F8: variants seen among roughly 807,000 people sequenced by gnomAD.
F8 encodes the protein coagulation factor VIII.
In F8, 12 loss-of-function variants were observed where a neutral mutation model predicts 140.6. The observed-to-expected ratio is 0.09, with a 90% confidence interval of 0.05 to 0.14. The LOEUF (loss-of-function observed/expected upper bound fraction) is 0.14. Among genes scored for constraint, F8 ranks in the 10% least tolerant of loss-of-function variants. The pLI, the probability that F8 is intolerant of heterozygous loss-of-function variation, is 1.00. For missense variants in F8, 1,354 were observed against 1,720.7 expected (o/e 0.79, Z 3.77); for synonymous variants, 585 against 614.6 (o/e 0.95, Z 0.71).
chrX:154,849,728 GTTTC>G (rs782228252), intron 25 of F8, among the ~76,000 whole-genome samples: 127 of 110,514 alleles, frequency 1.1e-3, no homozygotes, highest in Middle Eastern at 8.4e-3. Context: ...CCTGTTTTAT[GTTTC>G]TTTATCTCTC....
intron 6 of F8, among the ~76,000 whole-genome samples, chrX:154,979,629 T>C (rs1247917378): frequency 8.9e-6 from 1 of 111,746 alleles, no homozygotes; most frequent in African/African-American, 3.3e-5. Context: ...ACTAGTGTTT[T>C]GGCCCCACAG....
intron 3 of F8, among the ~76,000 whole-genome samples, chrX:154,995,054 T>C (rs1410582106): frequency 8.9e-6 from 1 of 112,225 alleles, no homozygotes; most frequent in Admixed American, 9.5e-5. Flanking sequence ...ACAGACTGTA[T>C]GTAAAATGCT....
At chrX:154,903,564 G>A (rs1461772612) in intron 18 of F8, among the ~76,000 whole-genome samples, 1 of 111,668 alleles carries the variant, frequency 9.0e-6, no homozygotes, top group Non-Finnish European at 1.9e-5. Flanking sequence ...CAATATACTG[G>A]TTACATACAT....
At chrX:155,016,410 C>G (rs1557287041) in intron 1 of F8, among the ~76,000 whole-genome samples, 1 of 111,576 alleles carries the variant, frequency 9.0e-6, no homozygotes, top group Non-Finnish European at 1.9e-5. Flanking sequence ...ACCATATGAT[C>G]CAGCAATTCC....
rs1053045886 is a variant in F8 at position 154,996,916 on chromosome X, C to T, written c.388+57G>A. On this transcript the variant is annotated intron_variant, in intron 3 of 25. Transcript: ENST00000360256. ...TGTAACGCCACCATTACAAAGCACA[C>T]ACATCTCACTGTTCTATTCATAGAA... is the stretch of plus-strand genomic sequence containing the variant. The T allele has an allele frequency of 1.7e-5, 20 of 1,179,721 alleles. No individual in the cohort carries two copies. In the African/African-American group the frequency reaches 3.4e-4, roughly 20 times the overall value.
At chrX:154,865,699 C>T (rs1446474493) in intron 22 of F8, among the ~76,000 whole-genome samples, 3 of 102,715 alleles carry the variant, frequency 2.9e-5, no homozygotes, top group Admixed American at 1.1e-4. Context: ...CCCCGACCGC[C>T]CCCCCACACA....
At chrX:154,976,977 T>C (rs1557283060) in intron 6 of F8, among the ~76,000 whole-genome samples, 2 of 105,866 alleles carry the variant, frequency 1.9e-5, no homozygotes, top group Admixed American at 2.0e-4. Flanking sequence ...CCTCTCTTAA[T>C]CTCTTCCCTT....
At chrX:154,953,865 A>C (rs782725802) in intron 12 of F8, 27 bp downstream of exon 12, 16 of 1,210,753 alleles carry the variant, frequency 1.3e-5, no homozygotes, top group Non-Finnish European at 1.8e-5. Context: ...TTCACCACCC[A>C]CTGGACTTAA....
intron 15 of F8, among the ~76,000 whole-genome samples, chrX:154,905,834 A>G (rs1330443531): frequency 8.9e-5 from 10 of 111,801 alleles, no homozygotes; most frequent in Non-Finnish European, 1.7e-4. Flanking sequence ...AATTAAGAGA[A>G]AACAAAAACT....
In F8 at chrX:154,999,527, A is replaced by G. The variant is rs1280061230; in HGVS notation, c.217T>C (p.Phe73Leu). ...GCGATGTTGAAAAGGTGATCCGTGA[A>G]TTCTACAAACAGAGTCTTTTTGTAC... is the stretch of plus-strand genomic sequence containing the variant. ...VVYKKTLFVE[F>L]TDHLFNIAKP... Residue 73 changes from phenylalanine to leucine, a missense_variant, in exon 2 of 26, where the codon TTC (phenylalanine) becomes CTC (leucine). Transcript: ENST00000360256. 1 of 1,209,230 alleles carries G rather than the reference A, an allele frequency of 8.3e-7. No individual in the cohort carries two copies. The highest frequency in any genetic ancestry group is 1.1e-6 in the Non-Finnish European group (1 of 893,609).
chrX:154,845,225 T>A (rs12841763), intron 25 of F8, among the ~76,000 whole-genome samples: 1 of 111,758 alleles, frequency 8.9e-6, no homozygotes, highest in South Asian at 3.7e-4. Context: ...TGCATCAATG[T>A]TCATCAGGGA....
At chrX:154,839,821 C>T (rs939494600) in intron 25 of F8, among the ~76,000 whole-genome samples, 1 of 111,906 alleles carries the variant, frequency 8.9e-6, no homozygotes, top group Non-Finnish European at 1.9e-5. Context: ...AGACCTTGGT[C>T]ATTGTTGTAT....
intron 22 of F8, among the ~76,000 whole-genome samples, chrX:154,875,865 G>T (rs1356123865): frequency 9.1e-6 from 1 of 110,197 alleles, no homozygotes; most frequent in Non-Finnish European, 1.9e-5. Flanking sequence ...CGTGGGATTT[G>T]ACACCTTGAC....
At chrX:154,849,931 A>G (rs2072600789) in intron 25 of F8, among the ~76,000 whole-genome samples, 1 of 110,933 alleles carries the variant, frequency 9.0e-6, no homozygotes, top group Non-Finnish European at 1.9e-5. Flanking sequence ...TGGATTTTAG[A>G]ATCCTTTATT....
At chrX:154,892,945 T>C (rs2072954265) in intron 22 of F8, among the ~76,000 whole-genome samples, 1 of 111,808 alleles carries the variant, frequency 8.9e-6, no homozygotes, top group Admixed American at 9.5e-5. Context: ...ACAGACTCTT[T>C]AAGTCTGATA....
chrX:154,972,682 GTTCTT>G (rs1427034843), intron 6 of F8, among the ~76,000 whole-genome samples: 4 of 66,125 alleles, frequency 6.0e-5, no homozygotes, highest in Non-Finnish European at 1.3e-4. Context: ...TTAATCTATT[GTTCTT>G]TTCTTTTCTT....
At chrX:154,924,839 G>A (rs2073151505) in intron 14 of F8, among the ~76,000 whole-genome samples, 1 of 112,569 alleles carries the variant, frequency 8.9e-6, no homozygotes, top group Admixed American at 9.3e-5. Flanking sequence ...ACCCTATGAA[G>A]CCACAGCCTG....
chrX:154,900,226 T>C (rs2073002553), intron 20 of F8, among the ~76,000 whole-genome samples: 1 of 111,571 alleles, frequency 9.0e-6, no homozygotes, highest in Non-Finnish European at 1.9e-5. Flanking sequence ...AATAATAATA[T>C]TATTTCTTCT....
In F8 at chrX:154,892,181, C is replaced by T. The variant is rs782731101; in HGVS notation, c.6429+3896G>A. 3.6e-5 allele frequency among the ~76,000 whole-genome samples: 4 copies of T among 112,541 alleles called. No individual in the cohort carries two copies. In the East Asian group the frequency reaches 8.3e-4, roughly 23 times the overall value. ...TCACTGCAGCTCTGCAACTTATGCTCAGCCCCTAAGTCGTATCTGCCTACA... is the reference window on the plus strand; with the variant it reads ...TCACTGCAGCTCTGCAACTTATGCTTAGCCCCTAAGTCGTATCTGCCTACA... On this transcript the variant is annotated intron_variant, in intron 22 of 25. Coordinates refer to ENST00000360256, the MANE Select transcript of F8 (RefSeq NM_000132.4).
Sources: allele counts gnomAD v4.1 joint callset (sites outside exome capture counted in the v4.1 genomes callset), GRCh38; gene constraint gnomAD v4.1.1; transcripts MANE v1.5; gene names NCBI Gene and HGNC (gene_info 2026-07-23, HGNC 2026-07-21).